SRC: variants seen among roughly 807,000 people sequenced by gnomAD.
SRC encodes proto-oncogene tyrosine-protein kinase Src.
SRC carries 13 observed loss-of-function variants against 62.9 expected under a neutral mutation model. The observed-to-expected ratio is 0.21, with a 90% CI of 0.13 to 0.33. The LOEUF (loss-of-function observed/expected upper bound fraction) is 0.33. Ranked by LOEUF, SRC falls within the 10% of genes least tolerant of loss-of-function variation. SRC has a pLI of 1.00. For missense variants in SRC, 457 were observed against 737.3 expected (o/e 0.62, Z 4.40); for synonymous variants, 302 against 317.5 (o/e 0.95, Z 0.52).
intron 1 of SRC, among the ~76,000 whole-genome samples, chr20:37,349,354 T>C (rs2069767968): frequency 6.6e-6 from 1 of 151,592 alleles, no homozygotes; most frequent in Admixed American, 6.6e-5. Context: ...GGGAGTGAGG[T>C]AGGGAGCAGG....
chr20:37,401,114 A>C (rs980035193), intron 10 of SRC, among the ~76,000 whole-genome samples: 1 of 152,000 alleles, frequency 6.6e-6, no homozygotes, highest in Non-Finnish European at 1.5e-5. Context: ...TTCTCATCTC[A>C]GCCTCTCAAG....
chr20:37,384,587 C>T lies in SRC; in HGVS notation c.250+184C>T, dbSNP rs2070420100. On this transcript the variant is annotated intron_variant, in intron 4 of 13. Transcript: ENST00000373578. This position sits in a 1 kb window ranked among gnomAD's most constrained non-coding sequence, Gnocchi z 6.7. The stretch of plus-strand genomic sequence containing the variant: ...CGTACACACTGTGAAGCGTCCGCGC[C>T]GCCGCCGCTGGCTTTGGGGTGGAGC... Among the ~76,000 whole-genome samples, 1 of 152,052 alleles carries T rather than the reference C, an allele frequency of 6.6e-6. No homozygotes were observed. Among genetic ancestry groups the T allele is most frequent in the African/African-American group, 2.4e-5 (1 of 41,340 alleles).
intron 5 of SRC, among the ~76,000 whole-genome samples, chr20:37,388,887 G>C (rs536712518): frequency 2.0e-5 from 3 of 152,078 alleles, no homozygotes; most frequent in South Asian, 2.1e-4. Context: ...ACCTCATCCC[G>C]GGGACCCGCC....
chr20:37,362,673 G>T (rs960686745), intron 1 of SRC, among the ~76,000 whole-genome samples: 2 of 150,536 alleles, frequency 1.3e-5, no homozygotes, highest in African/African-American at 4.9e-5. Flanking sequence ...CTTGTGAGCT[G>T]CCCTACCCAC....
rs567241249 is a variant in SRC, at chr20:37,386,290, G to A, written c.350+116G>A. 2.5e-5 allele frequency: 26 copies of A among 1,027,788 alleles called. No homozygotes were observed. The East Asian group carries it at 2.6e-4, about 10-fold the overall frequency. 63.7% of individuals were successfully genotyped at this position (1,027,788 alleles called of 1,614,324 possible). A position where few individuals can be genotyped will look rare whatever the true frequency, so the allele number is the denominator to read the frequency against. Reference sequence around the variant, plus strand: ...CACAGTGCAGAGCCCAGGGCAGTGCGAAGCCCAGGGCAGTGTGGAGGCAGG... The same window carrying A: ...CACAGTGCAGAGCCCAGGGCAGTGCAAAGCCCAGGGCAGTGTGGAGGCAGG... On this transcript the variant is annotated intron_variant, in intron 5 of 13. Transcript: ENST00000373578.
chr20:37,391,707 AG>A (rs1382053195), intron 5 of SRC, among the ~76,000 whole-genome samples: 2 of 152,098 alleles, frequency 1.3e-5, no homozygotes, highest in Non-Finnish European at 2.9e-5. Context: ...TACAAAAATT[AG>A]CTGGGCATGG....
At chr20:37,372,169 C>T (rs1325837742) in intron 2 of SRC, among the ~76,000 whole-genome samples, 2 of 143,666 alleles carry the variant, frequency 1.4e-5, no homozygotes, top group East Asian at 2.0e-4. Context: ...GACGATTTTT[C>T]GTGTGTGTGT....
intron 5 of SRC, among the ~76,000 whole-genome samples, chr20:37,392,256 C>T (rs999253907): frequency 6.6e-6 from 1 of 152,222 alleles, no homozygotes; most frequent in Non-Finnish European, 1.5e-5. Context: ...CACCCTCTGG[C>T]TCACTTCGAG....
intron 5 of SRC, chr20:37,386,511 G>A (rs1205850559): frequency 5.6e-6 from 4 of 711,888 alleles, no homozygotes; most frequent in Admixed American, 2.0e-5. Context: ...CGGGCTGGGC[G>A]GGGTGCTTCG....
At chr20:37,363,216 T>C (rs2070004276) in intron 1 of SRC, among the ~76,000 whole-genome samples, 2 of 152,184 alleles carry the variant, frequency 1.3e-5, no homozygotes, top group Admixed American at 1.3e-4. Context: ...TGAGAAAAGC[T>C]TCCTGGCCCT....
Position 37,400,254 on chromosome 20 carries a change from A to G in SRC, c.999A>G (p.Ser333=). Residue 333 remains serine (S), a synonymous_variant, in exon 10 of 14, where the codon TCA becomes TCG. Coordinates refer to ENST00000373578, the MANE Select transcript of SRC (RefSeq NM_198291.3). ...EKLVQLYAVV[S]EEPIYIVTEY... ...TGGTGCAGTTGTATGCTGTGGTTTC[A>G]GAGGAGCCCATTTACATCGTCACGG... 2 of 1,613,940 alleles carry G rather than the reference A, an allele frequency of 1.2e-6. No individual in the cohort carries two copies. Among genetic ancestry groups the G allele is most frequent in the Non-Finnish European group, 1.7e-6 (2 of 1,179,876 alleles).
At chr20:37,381,836 A>C (rs892758427) in intron 2 of SRC, among the ~76,000 whole-genome samples, 3 of 152,172 alleles carry the variant, frequency 2.0e-5, no homozygotes, top group Non-Finnish European at 4.4e-5. Context: ...CCCCAGGTCC[A>C]TTGACTTGTC....
intron 2 of SRC, among the ~76,000 whole-genome samples, chr20:37,370,572 C>A (rs537002767): frequency 6.6e-6 from 1 of 152,164 alleles, no homozygotes; most frequent in African/African-American, 2.4e-5. Flanking sequence ...AAGACTCCGT[C>A]TCAAAAAAAA....
At position 37,396,545 on chromosome 20, in the gene SRC, C is replaced by T. The variant is rs1568642816; in HGVS notation, c.703+234C>T. 8 of 600,396 alleles carry T rather than the reference C, an allele frequency of 1.3e-5. No individual in the cohort carries two copies. The highest frequency in any genetic ancestry group is 2.0e-5 in the Non-Finnish European group (7 of 344,770). The allele number at this position is 600,396 out of a possible 1,614,324, so 37.2% of individuals were successfully genotyped here. On this transcript the variant is annotated intron_variant, in intron 8 of 13. Transcript: ENST00000373578. This position sits in a 1 kb window ranked among gnomAD's most constrained non-coding sequence, Gnocchi z 6.1. ...CCTGTCCCCCTCTCTCCCTGCTCCA[C>T]GCAGTGTCCCACTGCCCGCCTTTCT...
chr20:37,350,691 TTA>T (rs1406223274), intron 1 of SRC, among the ~76,000 whole-genome samples: 6 of 152,212 alleles, frequency 3.9e-5, no homozygotes, highest in Non-Finnish European at 7.3e-5. Flanking sequence ...TTAGAAAATT[TTA>T]TATTTTTCTT....
chr20:37,356,999 G>T (rs967519237), intron 1 of SRC, among the ~76,000 whole-genome samples: 1 of 152,202 alleles, frequency 6.6e-6, no homozygotes, highest in African/African-American at 2.4e-5. Flanking sequence ...ATTGTGAAGA[G>T]CTGTGCCAGC....
Position 37,386,133 on chromosome 20 carries a change from G to T in SRC, c.309G>T (p.Leu103=), listed in dbSNP as rs1247408889. Reference sequence around the variant, plus strand: ...ATGAGTCTAGGACGGAGACAGACCTGTCCTTCAAGAAAGGCGAGCGGCTCC... The same window carrying T: ...ATGAGTCTAGGACGGAGACAGACCTTTCCTTCAAGAAAGGCGAGCGGCTCC... ...YDYESRTETD[L]SFKKGERLQI... Residue 103 remains leucine, a synonymous_variant, in exon 5 of 14, where the codon CTG becomes CTT. Transcript: ENST00000373578. 6.2e-7 allele frequency: 1 copy of T among 1,614,212 alleles called. No individual in the cohort carries two copies. Among genetic ancestry groups the T allele is most frequent in the Admixed American group, 1.7e-5 (1 of 60,030 alleles).
Position 37,364,714 on chromosome 20 carries a change from C to T in SRC, c.-246-490C>T. ...GTCACGATACTTTCAGTAGTTCCTC[C>T]CTCGGCCAGCCCAGCCACATGGCTT... On this transcript the variant is annotated intron_variant, in intron 1 of 13. Transcript: ENST00000373578. Among the ~76,000 whole-genome samples, 2 of 152,190 alleles carry T rather than the reference C, an allele frequency of 1.3e-5. 1 individual carries two copies. Among genetic ancestry groups the T allele is most frequent in the Non-Finnish European group, 2.9e-5 (2 of 68,032 alleles).
chr20:37,402,039 G>A lies in SRC; in HGVS notation c.1116+361G>A. The A allele has an allele frequency of 3.3e-6, 1 of 305,320 alleles. No homozygotes were observed. Among genetic ancestry groups the A allele is most frequent in the East Asian group, 5.8e-5 (1 of 17,220 alleles). 18.9% of individuals were successfully genotyped at this position (305,320 alleles called of 1,614,324 possible). On this transcript the variant is annotated intron_variant, in intron 11 of 13. Coordinates refer to ENST00000373578, the MANE Select transcript of SRC (RefSeq NM_198291.3). The surrounding 1 kb of genome is among the most constrained non-coding windows in gnomAD (Gnocchi z 6.2). ...CATTTAATCCTCATCACGACCAGGA[G>A]TGACGAGGATTGGCTGTTATTCCCA...
Sources: gnomAD v4.1 joint callset for allele counts (sites outside exome capture counted in the v4.1 genomes callset) on GRCh38, gnomAD v4.1.1 for gene constraint, Gnocchi (gnomAD v3.1) non-coding constraint, MANE v1.5 for transcripts, NCBI Gene and HGNC (gene_info 2026-07-23, HGNC 2026-07-21) for gene names.